The following PPM1F variants were observed in gnomAD, a reference collection of about 807,000 sequenced individuals.
PPM1F encodes protein phosphatase, Mg2+/Mn2+ dependent 1F.
PPM1F carries 17 observed loss-of-function variants against 35.5 expected under a neutral mutation model. That is an observed-to-expected ratio of 0.48 (90% CI 0.33 to 0.72). The LOEUF is 0.72. Among genes scored for constraint, PPM1F ranks in the 30% least tolerant of loss-of-function variants. PPM1F has a pLI of 0.02. For synonymous variants in PPM1F, 241 were observed against 255.5 expected (o/e 0.94, Z 0.54); for missense variants, 521 against 613.0 (o/e 0.85, Z 1.59).
rs574551314 is a variant in PPM1F, at chr22:21,939,695, G to A, written c.207-15C>T. On this transcript the variant is annotated splice_polypyrimidine_tract_variant and intron_variant, in intron 2 of 7. Transcript: ENST00000263212. The surrounding 1 kb of genome is among the most constrained non-coding windows in gnomAD (Gnocchi z 5.1). ...GCGGGGCCTTCCTAGGGATGAGGAG[G>A]GGGAAGTGAGGGGCAGCCCCCAGCA... 1 of 1,551,394 alleles carries A rather than the reference G, an allele frequency of 6.4e-7. No individual in the cohort carries two copies. Among genetic ancestry groups the A allele is most frequent in the Non-Finnish European group, 8.7e-7 (1 of 1,146,860 alleles).
At chr22:21,943,191 C>T (rs1435664338) in intron 2 of PPM1F, 1 of 152,094 alleles carries the variant, frequency 6.6e-6, no homozygotes, top group Non-Finnish European at 1.5e-5. Flanking sequence ...CCAAGAGCCC[C>T]TCCTCAGGCT....
In PPM1F at chr22:21,939,132, G is replaced by T; in HGVS notation, c.355+400C>A. ...CACCTGGCCAACCCTGACTTCGCCT[G>T]CCCGGGCGCATGTTAACTGAGTTAC... On this transcript the variant is annotated intron_variant, in intron 3 of 7. Coordinates refer to ENST00000263212, the MANE Select transcript of PPM1F (RefSeq NM_014634.4). This position sits in a 1 kb window ranked among gnomAD's most constrained non-coding sequence, Gnocchi z 5.1. The T allele has an allele frequency of 5.8e-6, 1 of 171,162 alleles. No individual in the cohort carries two copies. 10.6% of individuals were successfully genotyped at this position (171,162 alleles called of 1,614,324 possible). A position where few individuals can be genotyped will look rare whatever the true frequency, so the allele number is the denominator to read the frequency against.
In PPM1F at chr22:21,923,302, G is replaced by A. The variant is rs240061; in HGVS notation, c.1155C>T (p.Ser385=). 2.5e-3 allele frequency: 3,974 copies of A among 1,613,376 alleles called. 97 individuals carry two copies. In the African/African-American group the frequency reaches 0.047, roughly 19 times the overall value. Residue 385 remains serine, a synonymous_variant, in exon 8 of 8, where the codon AGC becomes AGT. Transcript: ENST00000263212. ...VQSHLTRQQG[S]GLRVAEELVA... Reference sequence around the variant, plus strand: ...CCAGCTCCTCGGCGACACGGAGCCCGCTGCCCTGCTGCCTGGTCAGGTGGC... The same window carrying A: ...CCAGCTCCTCGGCGACACGGAGCCCACTGCCCTGCTGCCTGGTCAGGTGGC...
Position 21,939,731 on chromosome 22 carries a change from C to T in PPM1F, c.207-51G>A. 2 of 1,544,360 alleles carry T rather than the reference C, an allele frequency of 1.3e-6. No individual in the cohort carries two copies. Among genetic ancestry groups the T allele is most frequent in the Non-Finnish European group, 1.8e-6 (2 of 1,142,392 alleles). ...GGGCAGCCCCCAGCAGGAGACCACA[C>T]CTAGCCCCCCTTCCCCAACTGTCAG... On this transcript the variant is annotated intron_variant, in intron 2 of 7. Coordinates refer to ENST00000263212, the MANE Select transcript of PPM1F (RefSeq NM_014634.4). This position sits in a 1 kb window ranked among gnomAD's most constrained non-coding sequence, Gnocchi z 5.1.
At chr22:21,933,313 T>A in intron 5 of PPM1F, 78 bp downstream of exon 5, 1 of 1,342,562 alleles carries the variant, frequency 7.4e-7, no homozygotes, top group Non-Finnish European at 1.0e-6. Context: ...CCAGCCCCTT[T>A]GGCGTTTTTC....
Position 21,939,442 on chromosome 22 carries a change from G to C in PPM1F, c.355+90C>G. The C allele has an allele frequency of 1.3e-6, 2 of 1,542,074 alleles. No homozygotes were observed. Among genetic ancestry groups the C allele is most frequent in the Non-Finnish European group, 1.8e-6 (2 of 1,134,446 alleles). On this transcript the variant is annotated intron_variant, in intron 3 of 7. Coordinates refer to ENST00000263212, the MANE Select transcript of PPM1F (RefSeq NM_014634.4). This position sits in a 1 kb window ranked among gnomAD's most constrained non-coding sequence, Gnocchi z 5.1. ...TGAGCGAGGGCCCCAGCACCCTTAG[G>C]GACCCCAATCAATGGGCTTCCCACA... is the stretch of plus-strand genomic sequence containing the variant.
intron 4 of PPM1F, 31 bp downstream of exon 4, chr22:21,933,993 C>A (rs1241254031): frequency 5.3e-6 from 8 of 1,518,656 alleles, no homozygotes; most frequent in Non-Finnish European, 7.1e-6. Context: ...TCCTCCGAAG[C>A]TGTCCCCAGG....
Position 21,939,588 on chromosome 22 carries a change from C to G in PPM1F, c.299G>C (p.Arg100Thr). The change falls in exon 3 of 8, where the codon AGG (arginine) becomes ACG (threonine). Residue 100 changes from arginine (R) to threonine (T), a missense_variant. Transcript: ENST00000263212. This position sits in a 1 kb window ranked among gnomAD's most constrained non-coding sequence, Gnocchi z 5.1. ...TDLSEFRKLP[R>T]EEEEEEEDDD... is the part of the protein sequence containing the mutation. ...GTCCTCCTCCTCTTCTTCTTCCTCC[C>G]TGGGCAACTTCCTGAATTCGGAAAG... The G allele has an allele frequency of 6.4e-7, 1 of 1,570,714 alleles. No homozygotes were observed. The highest frequency in any genetic ancestry group is 8.6e-7 in the Non-Finnish European group (1 of 1,156,548).
Position 21,923,112 on chromosome 22 carries a change from G to C in PPM1F, c.1345C>G (p.Gln449Glu), listed in dbSNP as rs74525416. 1.7e-3 allele frequency: 2,673 copies of C among 1,608,658 alleles called. 44 individuals carry two copies. In the African/African-American group the frequency reaches 0.03, roughly 18 times the overall value. The change falls in exon 8 of 8, where the codon CAG (glutamine) becomes GAG (glutamate). Residue 449 changes from glutamine to glutamate, a missense_variant. By Grantham distance (29) the Gln-to-Glu change is conservative (BLOSUM62 2). This residue lies in a region of PPM1F where 163 missense variants were observed against 169.6 expected (regional missense o/e 0.96). Transcript: ENST00000263212. ...LPSSLPEPET[Q>E]APPRS is the part of the protein sequence containing the mutation. ...ACCACCTAGCTTCTTGGTGGAGCCT[G>C]GGTCTCAGGTTCTGGAAGGCTGGAG...
At chr22:21,932,713 A>G (rs2070607079) in intron 5 of PPM1F, 4 of 152,262 alleles carry the variant, frequency 2.6e-5, no homozygotes, top group Non-Finnish European at 5.9e-5. Context: ...ATCCCTGCAC[A>G]TGGCTATAAC....
intron 2 of PPM1F, among the ~76,000 whole-genome samples, chr22:21,940,810 G>A (rs964296547): frequency 4.6e-5 from 7 of 152,214 alleles, no homozygotes; most frequent in Non-Finnish European, 8.8e-5. Flanking sequence ...TGGGCGGATG[G>A]GGCCATAGGA....
chr22:21,949,269 G>A (rs535611902), intron 1 of PPM1F: 3 of 152,214 alleles, frequency 2.0e-5, no homozygotes, highest in African/African-American at 7.2e-5. Context: ...ACTTGCTGGG[G>A]ACCAAGCACC....
intron 1 of PPM1F, chr22:21,947,475 T>G (rs1199488134): frequency 3.3e-5 from 5 of 151,912 alleles, no homozygotes; most frequent in Non-Finnish European, 7.4e-5. Flanking sequence ...CAGAAAAAAA[T>G]AAAAAAGAAA....
At chr22:21,950,715 C>T (rs551805724) in intron 1 of PPM1F, 1 of 152,254 alleles carries the variant, frequency 6.6e-6, no homozygotes, top group South Asian at 2.1e-4. Flanking sequence ...CTCCGCCTCT[C>T]AGGTTCAAGT....
At position 21,920,838 on chromosome 22, in the gene PPM1F, A is replaced by G. The variant is rs891860306; in HGVS notation, c.*2254T>C. On this transcript the variant is annotated 3_prime_UTR_variant, in exon 8 of 8. Transcript: ENST00000263212. ...TTATTAGCAAAGAAAAGAGAAAAGC[A>G]GATGCCAATCATTCTCTCTCTTCGT... 1 of 152,274 alleles carries G rather than the reference A, an allele frequency of 6.6e-6. No homozygotes were observed. The highest frequency in any genetic ancestry group is 2.4e-5 in the African/African-American group (1 of 41,464). 9.4% of individuals were successfully genotyped at this position (152,274 alleles called of 1,614,324 possible).
At chr22:21,946,198 T>C (rs2070775910) in intron 1 of PPM1F, 90 bp from the exon 2 acceptor site, 3 of 597,864 alleles carry the variant, frequency 5.0e-6, no homozygotes, top group Admixed American at 7.0e-5. Flanking sequence ...GGCAGGTGCA[T>C]GGCCTCATGG....
At chr22:21,931,486 G>A (rs760550013) in intron 5 of PPM1F, among the ~76,000 whole-genome samples, 195 bp from the exon 6 acceptor site, 4 of 151,886 alleles carry the variant, frequency 2.6e-5, no homozygotes, top group Non-Finnish European at 5.9e-5. Flanking sequence ...CCTGTCAATT[G>A]TATCTCAATA....
intron 5 of PPM1F, 24 bp from the exon 6 acceptor site, chr22:21,931,315 G>C: frequency 6.2e-7 from 1 of 1,605,028 alleles, no homozygotes; most frequent in Non-Finnish European, 8.5e-7. Context: ...GGGCCCATGA[G>C]AGTTGAGAGG....
chr22:21,933,908 G>T, intron 4 of PPM1F, 116 bp downstream of exon 4: 1 of 1,017,526 alleles, frequency 9.8e-7, no homozygotes, highest in Non-Finnish European at 1.4e-6. Context: ...TACAGGGGCT[G>T]ACGGGTGTCT....
Sources: gnomAD v4.1 joint callset for allele counts (sites outside exome capture counted in the v4.1 genomes callset) on GRCh38, gnomAD v4.1.1 for gene constraint, gnomAD v4.1.1 regional missense constraint, Gnocchi (gnomAD v3.1) non-coding constraint, MANE v1.5 for transcripts, NCBI Gene and HGNC (gene_info 2026-07-23, HGNC 2026-07-21) for gene names.